Variants in ABHD5 observed in about 807,000 individuals in gnomAD.
ABHD5 encodes abhydrolase domain containing 5, lysophosphatidic acid acyltransferase.
In ABHD5, 30 loss-of-function variants were observed where a neutral mutation model predicts 44.9. The ratio of observed to expected loss-of-function variants is 0.67; its 90% CI spans 0.50 to 0.91. The LOEUF (loss-of-function observed/expected upper bound fraction) is 0.91, where lower values mean the gene tolerates loss of function less well. Among genes scored for constraint, ABHD5 ranks in the 40% least tolerant of loss-of-function variants. The probability of loss-of-function intolerance (pLI) is 0.00; values close to 1 mark genes in which losing one functional copy is unlikely to be tolerated. For missense variants in ABHD5, 399 were observed against 423.4 expected, an observed-to-expected ratio of 0.94 and a Z score of 0.50; for synonymous variants, 167 against 147.0, an observed-to-expected ratio of 1.14 and a Z score of -0.99.
chr3:43,721,681 C>T lies in ABHD5; in HGVS notation c.*3149C>T, dbSNP rs939270082. The T allele has an allele frequency of 6.6e-6, 1 of 152,018 alleles. No individual in the cohort carries two copies. The highest frequency in any genetic ancestry group is 2.4e-5 in the African/African-American group (1 of 41,376). 9.4% of individuals were successfully genotyped at this position (152,018 alleles called of 1,614,324 possible). ...ATGCAGTAAGCCACTGCACTCCAGC[C>T]TGGGTGACAGAGAAGAAAAAAGATT... is the stretch of plus-strand genomic sequence containing the variant. On this transcript the variant is annotated 3_prime_UTR_variant, in exon 7 of 7. Coordinates refer to ENST00000644371, the MANE Select transcript of ABHD5 (RefSeq NM_016006.6).
In ABHD5 at chr3:43,702,325, C is replaced by T; in HGVS notation, c.244C>T (p.His82Tyr). The change falls in exon 3 of 7, where the codon CAT becomes TAT. Residue 82 changes from histidine to tyrosine, a missense_variant. By Grantham distance (83) the His-to-Tyr change is moderately conservative (BLOSUM62 2). Coordinates refer to ENST00000644371, the MANE Select transcript of ABHD5 (RefSeq NM_016006.6). ...ISNKTPLVLL[H>Y]GFGGGLGLWA... ...AAATAAGACTCCACTTGTCCTTCTC[C>T]ATGGTTTTGGAGGAGGTCTTGGGCT... 6.2e-7 allele frequency: 1 copy of T among 1,611,470 alleles called. No individual in the cohort carries two copies. The highest frequency in any genetic ancestry group is 8.5e-7 in the Non-Finnish European group (1 of 1,177,782).
chr3:43,694,887 T>G (rs1559409051), intron 1 of ABHD5: 1 of 152,356 alleles, frequency 6.6e-6, no homozygotes, highest in South Asian at 2.1e-4. Context: ...TTCTTTTTTT[T>G]TTGTTTGTTT....
At position 43,722,434 on chromosome 3, in the gene ABHD5, A is replaced by C. The variant is rs1040591762; in HGVS notation, c.*3902A>C. 1 of 152,214 alleles carries C rather than the reference A, an allele frequency of 6.6e-6. No individual in the cohort carries two copies. The highest frequency in any genetic ancestry group is 6.5e-5 in the Admixed American group (1 of 15,284). 9.4% of individuals were successfully genotyped at this position (152,214 alleles called of 1,614,324 possible). A position where few individuals can be genotyped will look rare whatever the true frequency, so the allele number is the denominator to read the frequency against. ...CAATAGAAGAATTAGTTATACCAAT[A>C]ACTAATAAAATGATCTCCTTGTTAG... is the stretch of plus-strand genomic sequence containing the variant. On this transcript the variant is annotated 3_prime_UTR_variant, in exon 7 of 7. Coordinates refer to ENST00000644371, the MANE Select transcript of ABHD5 (RefSeq NM_016006.6).
intron 1 of ABHD5, among the ~76,000 whole-genome samples, chr3:43,693,034 C>T (rs1471563569): frequency 6.6e-6 from 1 of 152,150 alleles, no homozygotes; most frequent in South Asian, 2.1e-4. Context: ...CTTTCAACAT[C>T]CAACCCCTTT....
chr3:43,692,860 T>C (rs1228542252), intron 1 of ABHD5, among the ~76,000 whole-genome samples: 2 of 152,192 alleles, frequency 1.3e-5, no homozygotes, highest in Admixed American at 6.5e-5. Flanking sequence ...TGGCTCTTGT[T>C]TGAATACAGT....
In ABHD5 at chr3:43,720,896, T is replaced by C. The variant is rs2084827980; in HGVS notation, c.*2364T>C. ...TTAAGATGACTTCTGTTTTCTTCTT[T>C]TTTCTTCTGATTTTCCAAAAAAAAA... On this transcript the variant is annotated 3_prime_UTR_variant, in exon 7 of 7. Coordinates refer to ENST00000644371, the MANE Select transcript of ABHD5 (RefSeq NM_016006.6). The C allele has an allele frequency of 6.6e-6, 1 of 152,076 alleles. No homozygotes were observed. The highest frequency in any genetic ancestry group is 6.6e-5 in the Admixed American group (1 of 15,264). 9.4% of individuals were successfully genotyped at this position (152,076 alleles called of 1,614,324 possible). A position where few individuals can be genotyped will look rare whatever the true frequency, so the allele number is the denominator to read the frequency against.
chr3:43,730,499 C>CTTTTTTT (rs68058215), intron 7 of ABHD5, among the ~76,000 whole-genome samples: 4 of 68,968 alleles, frequency 5.8e-5, no homozygotes, highest in East Asian at 4.5e-4. Context: ...AAAATAATCC[C>CTTTTTTT]TTTTTTTTTT....
intron 1 of ABHD5, among the ~76,000 whole-genome samples, chr3:43,693,654 C>T (rs572630916): frequency 6.6e-6 from 1 of 151,740 alleles, no homozygotes; most frequent in South Asian, 2.1e-4. Context: ...ATAGCTACTA[C>T]TTTTTGAAAC....
downstream of ABHD5, among the ~76,000 whole-genome samples, chr3:43,723,397 TGAAG>T (rs545651344): frequency 1.7e-3 from 257 of 152,286 alleles, 1 homozygote; most frequent in African/African-American, 5.7e-3. Context: ...CCACCTCTAA[TGAAG>T]GAACAGATCC....
chr3:43,729,818 C>G (rs1255992141), intron 7 of ABHD5, among the ~76,000 whole-genome samples: 3 of 152,128 alleles, frequency 2.0e-5, no homozygotes, highest in Non-Finnish European at 2.9e-5. Flanking sequence ...TACAGGGATT[C>G]CAGAAATGAA....
intron 4 of ABHD5, among the ~76,000 whole-genome samples, chr3:43,714,628 G>A (rs904877351): frequency 2.6e-5 from 4 of 152,084 alleles, no homozygotes; most frequent in Non-Finnish European, 5.9e-5. Flanking sequence ...TTTTACGTAC[G>A]AGCTACTCGC....
downstream of ABHD5, among the ~76,000 whole-genome samples, chr3:43,726,859 C>G (rs978703460): frequency 3.3e-5 from 5 of 152,184 alleles, no homozygotes; most frequent in Non-Finnish European, 4.4e-5. Flanking sequence ...AACAAGCACT[C>G]CTGTCCTCAA....
downstream of ABHD5, among the ~76,000 whole-genome samples, chr3:43,726,551 T>C (rs576401047): frequency 6.6e-6 from 1 of 152,332 alleles, no homozygotes; most frequent in Non-Finnish European, 1.5e-5. Context: ...GTTTCAGTGA[T>C]GATCTGAAGG....
rs563333604 is a variant in ABHD5 at position 43,720,580 on chromosome 3, T to G, written c.*2048T>G. On this transcript the variant is annotated 3_prime_UTR_variant, in exon 7 of 7. Transcript: ENST00000644371. ...GGAAGGGAAGTTCACAATCCTCACA[T>G]TTAAAAAAATATAGTGGGTGCTAAA... The G allele has an allele frequency of 2.6e-5, 4 of 152,208 alleles. No homozygotes were observed. Among genetic ancestry groups the G allele is most frequent in the Non-Finnish European group, 5.9e-5 (4 of 68,036 alleles). 9.4% of individuals were successfully genotyped at this position (152,208 alleles called of 1,614,324 possible).
In ABHD5 at chr3:43,720,521, G is replaced by A. The variant is rs949663639; in HGVS notation, c.*1989G>A. On this transcript the variant is annotated 3_prime_UTR_variant, in exon 7 of 7. Coordinates refer to ENST00000644371, the MANE Select transcript of ABHD5 (RefSeq NM_016006.6). ...TTTTTAAAGTTAGATTTTACCCTGA[G>A]GTATAGTATATGTAATTTTGTGAAG... 8.5e-5 allele frequency: 13 copies of A among 152,088 alleles called. No homozygotes were observed. The East Asian group carries it at 1.3e-3, about 16-fold the overall frequency. 9.4% of individuals were successfully genotyped at this position (152,088 alleles called of 1,614,324 possible). A position where few individuals can be genotyped will look rare whatever the true frequency, so the allele number is the denominator to read the frequency against.
At chr3:43,713,431 G>C (rs1388868088) in intron 4 of ABHD5, among the ~76,000 whole-genome samples, 1 of 151,930 alleles carries the variant, frequency 6.6e-6, no homozygotes, top group African/African-American at 2.4e-5. Context: ...GGGATTAACT[G>C]TCATGCAGGT....
intron 4 of ABHD5, 72 bp downstream of exon 4, chr3:43,711,935 C>A: frequency 1.2e-6 from 2 of 1,600,034 alleles, no homozygotes; most frequent in South Asian, 1.1e-5. Flanking sequence ...TATTGTTAGT[C>A]AAAATCTTAA....
chr3:43,713,211 A>G (rs1006648316), intron 4 of ABHD5, among the ~76,000 whole-genome samples: 2 of 151,420 alleles, frequency 1.3e-5, no homozygotes, highest in African/African-American at 2.4e-5. Flanking sequence ...CCAGCTACTC[A>G]GGAGAGGAGG....
At chr3:43,711,560 A>G (rs997832365) in intron 3 of ABHD5, 149 bp from the exon 4 acceptor site, 2 of 845,224 alleles carry the variant, frequency 2.4e-6, no homozygotes, top group Admixed American at 4.3e-5. Flanking sequence ...ACAGAATAAG[A>G]GCATGATACG....
Sources: gnomAD v4.1 joint callset for allele counts (sites outside exome capture counted in the v4.1 genomes callset) on GRCh38, gnomAD v4.1.1 for gene constraint, MANE v1.5 for transcripts, NCBI Gene and HGNC (gene_info 2026-07-23, HGNC 2026-07-21) for gene names.